The following GABPA variants were observed in gnomAD, a reference collection of about 807,000 sequenced individuals.
GABPA encodes the protein GA-binding protein alpha chain.
GABPA carries 4 observed loss-of-function variants against 59.4 expected under a neutral mutation model. The ratio of observed to expected loss-of-function variants is 0.07; its 90% CI spans 0.03 to 0.15. GABPA has a LOEUF of 0.15. Among genes scored for constraint, GABPA ranks in the 10% least tolerant of loss-of-function variants. The pLI, the probability that GABPA is intolerant of heterozygous loss-of-function variation, is 1.00. For missense variants in GABPA, 251 were observed against 543.8 expected (o/e 0.46, Z 5.36); for synonymous variants, 164 against 183.1 (o/e 0.90, Z 0.84).
At chr21:25,757,881 T>A in intron 5 of GABPA, 129 bp from the exon 6 acceptor site, 1 of 332,708 alleles carries the variant, frequency 3.0e-6, no homozygotes. Flanking sequence ...TTGCTTCATA[T>A]AGTAAGTTTA....
intron 1 of GABPA, among the ~76,000 whole-genome samples, chr21:25,738,968 C>T (rs890533885): frequency 1.3e-5 from 2 of 152,022 alleles, no homozygotes; most frequent in African/African-American, 4.8e-5. Flanking sequence ...TCTTCATCAT[C>T]CCCAAAAAAG....
intron 9 of GABPA, among the ~76,000 whole-genome samples, chr21:25,768,046 C>T (rs547969041): frequency 5.3e-5 from 8 of 152,112 alleles, no homozygotes; most frequent in African/African-American, 1.4e-4. Context: ...ATCTGCCAGT[C>T]GTGGAAAGAG....
Position 25,745,712 on chromosome 21 carries a change from C to A in GABPA, c.222+358C>A, listed in dbSNP as rs139720080. Among the ~76,000 whole-genome samples the A allele has an allele frequency of 5.5e-3, 839 of 152,278 alleles. 6 individuals carry two copies. The highest frequency in any genetic ancestry group is 0.019 in the African/African-American group (805 of 41,558). On this transcript the variant is annotated intron_variant, in intron 3 of 9. Coordinates refer to ENST00000400075, the MANE Select transcript of GABPA (RefSeq NM_002040.4). ...TCTAGCCAGCTTTTAACTTCTCAAA[C>A]GTATCATTTAACTAAATGATTTCTA... is the stretch of plus-strand genomic sequence containing the variant.
At chr21:25,750,709 T>C (rs2035488295) in intron 4 of GABPA, among the ~76,000 whole-genome samples, 1 of 152,222 alleles carries the variant, frequency 6.6e-6, no homozygotes, top group Admixed American at 6.5e-5. Flanking sequence ...TACGTACTTC[T>C]GATCCTTAAT....
intron 6 of GABPA, among the ~76,000 whole-genome samples, chr21:25,759,183 A>G (rs954405956): frequency 4.6e-5 from 7 of 152,222 alleles, no homozygotes; most frequent in Non-Finnish European, 1.0e-4. Flanking sequence ...AGTCACTGTT[A>G]AGACACCGAA....
intron 6 of GABPA, among the ~76,000 whole-genome samples, chr21:25,758,498 G>C (rs569245684): frequency 6.6e-6 from 1 of 152,136 alleles, no homozygotes; most frequent in Non-Finnish European, 1.5e-5. Context: ...GCTAACATTA[G>C]AATCCAAGTT....
intron 2 of GABPA, among the ~76,000 whole-genome samples, chr21:25,743,667 T>A (rs984340156): frequency 1.6e-4 from 24 of 152,022 alleles, no homozygotes; most frequent in South Asian, 2.1e-4. Context: ...AAAAACTTTT[T>A]AAAAATGTTT....
rs1163044329 is a variant in GABPA at position 25,771,358 on chromosome 21, A to T, written c.*2126A>T. On this transcript the variant is annotated 3_prime_UTR_variant, in exon 10 of 10. Coordinates refer to ENST00000400075, the MANE Select transcript of GABPA (RefSeq NM_002040.4). ...TTCCCATATGGTTTTTTTTTAAATC[A>T]TATTTTATTCATTTTCTCCCTTTAG... 2 of 151,566 alleles carry T rather than the reference A, an allele frequency of 1.3e-5. No individual in the cohort carries two copies. Among genetic ancestry groups the T allele is most frequent in the Non-Finnish European group, 3.0e-5 (2 of 67,780 alleles). 9.4% of individuals were successfully genotyped at this position (151,566 alleles called of 1,614,324 possible). A position where few individuals can be genotyped will look rare whatever the true frequency, so the allele number is the denominator to read the frequency against.
intron 1 of GABPA, 197 bp downstream of exon 1, chr21:25,735,775 G>GC (rs2035031046): frequency 1.3e-5 from 2 of 149,298 alleles, no homozygotes; most frequent in South Asian, 4.3e-4. Flanking sequence ...GCTGTGCGGG[G>GC]AGCGAAGGGG....
chr21:25,748,820 T>A (rs2035433761), intron 3 of GABPA, among the ~76,000 whole-genome samples: 1 of 152,196 alleles, frequency 6.6e-6, no homozygotes, highest in Admixed American at 6.5e-5. Flanking sequence ...ACAAATTTGG[T>A]GGTATGCTGT....
In GABPA at chr21:25,744,868, T is replaced by C. The variant is rs71649673; in HGVS notation, c.78-342T>C. ...TGAGGAGACAATGTGTCTTCCTTTCTGGGTCTAAAATTCTTCAAAATAACT... is the reference window on the plus strand; with the variant it reads ...TGAGGAGACAATGTGTCTTCCTTTCCGGGTCTAAAATTCTTCAAAATAACT... On this transcript the variant is annotated intron_variant, in intron 2 of 9. Transcript: ENST00000400075. 4.9e-3 allele frequency among the ~76,000 whole-genome samples: 749 copies of C among 152,336 alleles called. 5 individuals are homozygous for C. The highest frequency in any genetic ancestry group is 0.017 in the African/African-American group (699 of 41,582).
At chr21:25,737,463 CTG>C (rs1568936833) in intron 1 of GABPA, among the ~76,000 whole-genome samples, 1 of 152,092 alleles carries the variant, frequency 6.6e-6, no homozygotes, top group Non-Finnish European at 1.5e-5. Context: ...ATTTAAGAAA[CTG>C]AGTAATTTTT....
At chr21:25,762,627 T>G (rs2035792430) in intron 7 of GABPA, among the ~76,000 whole-genome samples, 1 of 152,214 alleles carries the variant, frequency 6.6e-6, no homozygotes, top group Non-Finnish European at 1.5e-5. Context: ...CTTTACTGAC[T>G]GTTAATTACC....
intron 1 of GABPA, among the ~76,000 whole-genome samples, chr21:25,737,222 G>A (rs576379704): frequency 6.6e-6 from 1 of 152,294 alleles, no homozygotes; most frequent in South Asian, 2.1e-4. Context: ...CAGTTCTGGC[G>A]GGGGCAGCCC....
At chr21:25,757,849 ATTTTT>A (rs60518912) in intron 5 of GABPA, among the ~76,000 whole-genome samples, 156 bp from the exon 6 acceptor site, 25 of 108,732 alleles carry the variant, frequency 2.3e-4, no homozygotes, top group African/African-American at 8.4e-4. Context: ...TTACAGCATA[ATTTTT>A]TTTTTTTTTT....
At chr21:25,751,884 C>T (rs899445457) in intron 4 of GABPA, 105 bp from the exon 5 acceptor site, 12 of 1,128,680 alleles carry the variant, frequency 1.1e-5, no homozygotes, top group East Asian at 2.4e-5. Flanking sequence ...TTGCTTTATT[C>T]GATGTAGTTT....
intron 1 of GABPA, among the ~76,000 whole-genome samples, chr21:25,736,429 C>G (rs2035063286): frequency 6.6e-6 from 1 of 152,122 alleles, no homozygotes; most frequent in Admixed American, 6.5e-5. Context: ...AGAAACCGCT[C>G]AACTCTTTAG....
chr21:25,752,636 T>C (rs535945296), intron 5 of GABPA, among the ~76,000 whole-genome samples: 8 of 152,278 alleles, frequency 5.3e-5, no homozygotes, highest in South Asian at 2.1e-4. Flanking sequence ...TAAGATACCA[T>C]TGGGCAGAGA....
At chr21:25,766,397 A>G (rs967229396) in intron 9 of GABPA, among the ~76,000 whole-genome samples, 2 of 152,040 alleles carry the variant, frequency 1.3e-5, no homozygotes, top group Non-Finnish European at 2.9e-5. Context: ...CTAAAGGGAA[A>G]GATCAATAAA....
Sources: gnomAD v4.1 joint callset for allele counts (sites outside exome capture counted in the v4.1 genomes callset) on GRCh38, gnomAD v4.1.1 for gene constraint, MANE v1.5 for transcripts, NCBI Gene and HGNC (gene_info 2026-07-23, HGNC 2026-07-21) for gene names.